The following DGKH variants were observed in gnomAD, a reference collection of about 807,000 sequenced individuals.
DGKH encodes the protein diacylglycerol kinase eta, also known as DAG kinase eta.
A neutral mutation model predicts 159.3 loss-of-function variants in DGKH; 90 were observed. That is an observed-to-expected ratio of 0.57 (90% confidence interval 0.48 to 0.67). DGKH has a LOEUF of 0.67. Ranked by LOEUF, DGKH falls within the 30% of genes least tolerant of loss-of-function variation. The pLI is 0.00. For synonymous variants in DGKH, 536 were observed against 553.8 expected (o/e 0.97, Z 0.45); for missense variants, 1,181 against 1,506.1 (o/e 0.78, Z 3.57).
At chr13:42,256,288 CT>C in exon 31 of DGKH, 1 of 1,594,684 alleles carries the variant, frequency 6.3e-7, no homozygotes, top group Admixed American at 1.7e-5. Context: ...CTTCAGTTTC[CT>C]TTACAGAAAA....
At chr13:42,204,984 A>G (rs1435950028) in intron 20 of DGKH, among the ~76,000 whole-genome samples, 3 of 152,178 alleles carry the variant, frequency 2.0e-5, no homozygotes, top group Non-Finnish European at 2.9e-5. Flanking sequence ...TCAGAAATAC[A>G]GTTTATTTCT....
Position 42,230,134 on chromosome 13 carries a change from GTTTC to G in DGKH, c.*948_*951del, listed in dbSNP as rs1958249323. 6.6e-6 allele frequency: 1 copy of G among 151,898 alleles called. No individual in the cohort carries two copies. Among genetic ancestry groups the G allele is most frequent in the Admixed American group, 6.6e-5 (1 of 15,252 alleles). The allele number at this position is 151,898 out of a possible 1,614,324, so 9.4% of individuals were successfully genotyped here. On this transcript the variant is annotated 3_prime_UTR_variant, in exon 30 of 30. Transcript: ENST00000337343. ...TTCCAAACCAAAATTTCCACATTTT[GTTTC>G]TAATTTTTAATTTCAATTTAATAAT...
chr13:42,160,257 T>C (rs899698746), intron 7 of DGKH, 121 bp downstream of exon 7: 53 of 1,313,716 alleles, frequency 4.0e-5, no homozygotes, highest in Admixed American at 1.1e-4. Context: ...AGCATACGCA[T>C]CTCATGATGA....
Position 42,236,538 on chromosome 13 carries a change from T to C in DGKH, c.*7350T>C, listed in dbSNP as rs932474197. ...TGCCAATATGTATTTTATCTTCATG[T>C]CACAACTTATTTTCTGTAGCCAATT... On this transcript the variant is annotated 3_prime_UTR_variant, in exon 30 of 30. Transcript: ENST00000337343. The C allele has an allele frequency of 6.6e-6, 1 of 152,214 alleles. No homozygotes were observed. Among genetic ancestry groups the C allele is most frequent in the African/African-American group, 2.4e-5 (1 of 41,458 alleles). The allele number at this position is 152,214 out of a possible 1,614,324, so 9.4% of individuals were successfully genotyped here.
intron 1 of DGKH, among the ~76,000 whole-genome samples, chr13:42,083,164 ACT>A: frequency 6.6e-6 from 1 of 152,358 alleles, no homozygotes; most frequent in African/African-American, 2.4e-5. Context: ...TAAAGATGAC[ACT>A]GTTAGTAAAT....
In DGKH at chr13:42,231,534, A is replaced by G. The variant is rs1958293510; in HGVS notation, c.*2346A>G. 1.3e-5 allele frequency: 2 copies of G among 152,280 alleles called. No homozygotes were observed. Among genetic ancestry groups the G allele is most frequent in the South Asian group, 2.1e-4 (1 of 4,824 alleles). The allele number at this position is 152,280 out of a possible 1,614,324, so 9.4% of individuals were successfully genotyped here. ...TGCCAGGTTCCCAGAACTCTCTAAC[A>G]TTACAGATCTCTGTCCATCTTTACT... On this transcript the variant is annotated 3_prime_UTR_variant, in exon 30 of 30. Coordinates refer to ENST00000337343, the MANE Select transcript of DGKH (RefSeq NM_178009.5).
chr13:42,171,759 T>A (rs1956459986), intron 11 of DGKH, among the ~76,000 whole-genome samples: 1 of 152,176 alleles, frequency 6.6e-6, no homozygotes, highest in Non-Finnish European at 1.5e-5. Context: ...CCCTGTGACT[T>A]TGAGATGCTC....
At chr13:42,154,907 A>G (rs1051892422) in intron 3 of DGKH, among the ~76,000 whole-genome samples, 15 of 152,068 alleles carry the variant, frequency 9.9e-5, no homozygotes, top group African/African-American at 3.6e-4. Flanking sequence ...ATCATTTAAT[A>G]TTGCATTCCT....
At chr13:42,072,345 T>C (rs1478459828) in intron 1 of DGKH, among the ~76,000 whole-genome samples, 1 of 152,242 alleles carries the variant, frequency 6.6e-6, no homozygotes, top group Non-Finnish European at 1.5e-5. Flanking sequence ...CTCTGAAATC[T>C]GGACAATCAA....
chr13:42,255,287 T>A (rs1304893175), intron 30 of DGKH, among the ~76,000 whole-genome samples: 2 of 152,108 alleles, frequency 1.3e-5, no homozygotes, highest in Non-Finnish European at 2.9e-5. Context: ...GGAGATTTTT[T>A]TTAATTGAAT....
intron 29 of DGKH, among the ~76,000 whole-genome samples, chr13:42,224,248 A>C (rs933064701): frequency 1.3e-5 from 2 of 152,192 alleles, no homozygotes; most frequent in African/African-American, 4.8e-5. Context: ...CCCCTTCTCC[A>C]GTGCTCTGCA....
At chr13:42,073,582 G>A (rs1423153669) in intron 1 of DGKH, among the ~76,000 whole-genome samples, 2 of 152,192 alleles carry the variant, frequency 1.3e-5, no homozygotes, top group African/African-American at 2.4e-5. Context: ...TAGACAAAAT[G>A]TGAGTGTTCT....
upstream of DGKH, among the ~76,000 whole-genome samples, chr13:42,046,203 C>A (rs1170586939): frequency 3.3e-5 from 5 of 152,136 alleles, no homozygotes; most frequent in Admixed American, 3.3e-4. Context: ...AGGAAAAGAT[C>A]AAGGAATTCT....
chr13:42,103,832 T>C (rs1954696994), intron 1 of DGKH, among the ~76,000 whole-genome samples: 1 of 152,166 alleles, frequency 6.6e-6, no homozygotes, highest in African/African-American at 2.4e-5. Context: ...CAGGGTTCGG[T>C]TAGGAAGGAG....
intron 7 of DGKH, 135 bp from the exon 8 acceptor site, chr13:42,165,196 A>G (rs1956280997): frequency 4.3e-6 from 2 of 462,220 alleles, no homozygotes; most frequent in Non-Finnish European, 7.6e-6. Context: ...TAAATGTTAT[A>G]CCATTTAAAG....
chr13:42,139,239 A>G (rs908154529), intron 3 of DGKH, among the ~76,000 whole-genome samples: 4 of 152,204 alleles, frequency 2.6e-5, no homozygotes, highest in Admixed American at 1.3e-4. Context: ...CACCTTCACT[A>G]GTAGCCTTCC....
intron 1 of DGKH, among the ~76,000 whole-genome samples, chr13:42,052,007 C>T (rs1484248439): frequency 6.6e-6 from 1 of 152,164 alleles, no homozygotes; most frequent in Non-Finnish European, 1.5e-5. Flanking sequence ...GCTCATCTAT[C>T]CTGCTTTGTC....
intron 29 of DGKH, among the ~76,000 whole-genome samples, chr13:42,226,013 A>G (rs1958122472): frequency 1.3e-5 from 2 of 152,124 alleles, no homozygotes; most frequent in Non-Finnish European, 2.9e-5. Flanking sequence ...CGAACAGACA[A>G]CCTACAGAAT....
chr13:42,165,418 A>G lies in DGKH; in HGVS notation c.943A>G (p.Ser315Gly). The G allele has an allele frequency of 6.4e-7, 1 of 1,571,350 alleles. No individual in the cohort carries two copies. The highest frequency in any genetic ancestry group is 8.6e-7 in the Non-Finnish European group (1 of 1,158,356). ...VSIIPPIALN[S>G]TDSDGFCRAT... is the part of the protein sequence containing the mutation. ...TATCATACCTCCAATTGCACTAAAC[A>G]GCACCGATTCCGATGGTATGTAGCA... Residue 315 changes from serine to glycine, a missense_variant, in exon 8 of 30, where the codon AGC becomes GGC. Coordinates refer to ENST00000337343, the MANE Select transcript of DGKH (RefSeq NM_178009.5).
Sources: allele counts gnomAD v4.1 joint callset (sites outside exome capture counted in the v4.1 genomes callset), GRCh38; gene constraint gnomAD v4.1.1; transcripts MANE v1.5; gene names NCBI Gene and HGNC (gene_info 2026-07-23, HGNC 2026-07-21).